The following BRINP2 variants were observed in gnomAD, a reference collection of about 807,000 sequenced individuals.
The protein encoded by BRINP2 is BMP/retinoic acid inducible neural specific 2.
BRINP2 carries 21 observed loss-of-function variants against 69.2 expected under a neutral mutation model. The ratio of observed to expected loss-of-function variants is 0.30; its 90% CI spans 0.22 to 0.44. BRINP2 has a LOEUF of 0.44. Among genes scored for constraint, BRINP2 ranks in the 20% least tolerant of loss-of-function variants. The pLI, the probability that BRINP2 is intolerant of heterozygous loss-of-function variation, is 1.00. For synonymous variants in BRINP2, 380 were observed against 394.1 expected, an observed-to-expected ratio of 0.96 and a Z score of 0.42; for missense variants, 877 against 986.0, an observed-to-expected ratio of 0.89 and a Z score of 1.48.
At chr1:177,264,403 C>T (rs909998011) in intron 4 of BRINP2, among the ~76,000 whole-genome samples, 1 of 152,166 alleles carries the variant, frequency 6.6e-6, no homozygotes, top group Non-Finnish European at 1.5e-5. Context: ...CGGCACAAGA[C>T]AAGGATGCCC....
chr1:177,172,057 T>C (rs1262433217), intron 1 of BRINP2, among the ~76,000 whole-genome samples: 2 of 152,200 alleles, frequency 1.3e-5, no homozygotes, highest in Non-Finnish European at 2.9e-5. Flanking sequence ...TTCAGAAAAT[T>C]CAATAGGGCT....
At chr1:177,177,104 A>G (rs1648111393) in intron 1 of BRINP2, among the ~76,000 whole-genome samples, 1 of 152,076 alleles carries the variant, frequency 6.6e-6, no homozygotes, top group Admixed American at 6.5e-5. Flanking sequence ...AGGCATGGCC[A>G]TGTATTAAAG....
At chr1:177,205,051 ATT>A in intron 1 of BRINP2, among the ~76,000 whole-genome samples, 1 of 152,308 alleles carries the variant, frequency 6.6e-6, no homozygotes, top group East Asian at 1.9e-4. Context: ...ATTTTCCACT[ATT>A]GTAAATATCA....
intron 2 of BRINP2, among the ~76,000 whole-genome samples, chr1:177,254,953 A>G (rs1451308079): frequency 1.3e-5 from 2 of 152,226 alleles, no homozygotes; most frequent in Non-Finnish European, 2.9e-5. Context: ...GATATTTTCC[A>G]GATGACCAAC....
At chr1:177,195,424 C>T (rs1648713595) in intron 1 of BRINP2, among the ~76,000 whole-genome samples, 1 of 151,258 alleles carries the variant, frequency 6.6e-6, no homozygotes, top group East Asian at 1.9e-4. Context: ...TCAGGAGCAG[C>T]CCAAGGCAGA....
intron 1 of BRINP2, among the ~76,000 whole-genome samples, chr1:177,180,573 A>C (rs1457208498): frequency 6.6e-6 from 1 of 152,208 alleles, no homozygotes; most frequent in East Asian, 1.9e-4. Flanking sequence ...TCTCTCAAAA[A>C]AGCAGTGGAA....
intron 2 of BRINP2, among the ~76,000 whole-genome samples, chr1:177,249,223 T>C (rs182863783): frequency 1.8e-4 from 27 of 152,356 alleles, no homozygotes; most frequent in Admixed American, 5.2e-4. Flanking sequence ...TGGTTTTTAT[T>C]AATGATTTTA....
At chr1:177,264,505 A>G (rs1329970697) in intron 4 of BRINP2, among the ~76,000 whole-genome samples, 1 of 152,228 alleles carries the variant, frequency 6.6e-6, no homozygotes, top group Non-Finnish European at 1.5e-5. Flanking sequence ...ATAGGAAGAG[A>G]GGAAGCCAAA....
intron 2 of BRINP2, among the ~76,000 whole-genome samples, chr1:177,254,376 ATG>A (rs1491262450): frequency 8.1e-5 from 11 of 136,298 alleles, no homozygotes; most frequent in African/African-American, 2.6e-4. Context: ...ATAAGCACAC[ATG>A]CACACACACA....
At chr1:177,174,232 A>C (rs1223310656) in intron 1 of BRINP2, among the ~76,000 whole-genome samples, 1 of 152,196 alleles carries the variant, frequency 6.6e-6, no homozygotes, top group African/African-American at 2.4e-5. Flanking sequence ...ACTGCTCCTG[A>C]ACCAACCCCA....
At chr1:177,203,258 C>T (rs1348534641) in intron 1 of BRINP2, among the ~76,000 whole-genome samples, 1 of 152,036 alleles carries the variant, frequency 6.6e-6, no homozygotes, top group Non-Finnish European at 1.5e-5. Flanking sequence ...TGGTCTCACT[C>T]ATAGGTGGGA....
intron 1 of BRINP2, among the ~76,000 whole-genome samples, chr1:177,225,518 G>T (rs1649667870): frequency 6.6e-6 from 1 of 152,208 alleles, no homozygotes; most frequent in Admixed American, 6.5e-5. Flanking sequence ...AAAAACTGAA[G>T]CACGATGGGG....
chr1:177,270,253 A>T (rs1651270403), intron 4 of BRINP2, among the ~76,000 whole-genome samples: 1 of 152,174 alleles, frequency 6.6e-6, no homozygotes, highest in East Asian at 1.9e-4. Flanking sequence ...TCTGGAAACT[A>T]GTGAAACTTG....
At position 177,182,959 on chromosome 1, in the gene BRINP2, C is replaced by CT. The variant is rs1055234536; in HGVS notation, c.-77+11236dup. 5.4e-4 allele frequency among the ~76,000 whole-genome samples: 82 copies of CT among 150,472 alleles called. 1 individual carries two copies. Among genetic ancestry groups the CT allele is most frequent in the African/African-American group, 1.6e-3 (66 of 41,032 alleles). ...TTTTGTTGTTGTTGTTGTTGTTTTTCTTTTTTTTTCTTTTCTTTTTTTTCT... is the reference window on the plus strand; with the variant it reads ...TTTTGTTGTTGTTGTTGTTGTTTTTCTTTTTTTTTTCTTTTCTTTTTTTTCT... On this transcript the variant is annotated intron_variant, in intron 1 of 7. Coordinates refer to ENST00000361539, the MANE Select transcript of BRINP2 (RefSeq NM_021165.4).
At chr1:177,237,154 G>A (rs925074564) in intron 2 of BRINP2, among the ~76,000 whole-genome samples, 8 of 152,084 alleles carry the variant, frequency 5.3e-5, no homozygotes, top group Non-Finnish European at 5.9e-5. Flanking sequence ...ATTTATGCTC[G>A]AGCAATTGGA....
Position 177,177,730 on chromosome 1 carries a change from T to C in BRINP2, c.-77+5998T>C, listed in dbSNP as rs186776738. Among the ~76,000 whole-genome samples the C allele has an allele frequency of 4.1e-3, 629 of 152,320 alleles. 1 individual carries two copies. Among genetic ancestry groups the C allele is most frequent in the Non-Finnish European group, 7.5e-3 (507 of 68,018 alleles). On this transcript the variant is annotated intron_variant, in intron 1 of 7. Coordinates refer to ENST00000361539, the MANE Select transcript of BRINP2 (RefSeq NM_021165.4). ...CTTGTATTTTCAGTTTTATCATCTATAGAAGTAAAAAATAGTAATGCTAGA... is the reference window on the plus strand; with the variant it reads ...CTTGTATTTTCAGTTTTATCATCTACAGAAGTAAAAAATAGTAATGCTAGA...
intron 5 of BRINP2, 62 bp from the exon 6 acceptor site, chr1:177,276,136 G>A (rs1651485826): frequency 1.4e-5 from 20 of 1,474,674 alleles, no homozygotes; most frequent in Non-Finnish European, 1.8e-5. Context: ...GCAGGCTTGG[G>A]CATGGGAAAC....
intron 4 of BRINP2, among the ~76,000 whole-genome samples, chr1:177,270,084 G>GGC (rs879919041): frequency 2.9e-5 from 4 of 138,618 alleles, no homozygotes; most frequent in South Asian, 2.6e-4. Context: ...GCAAGGGGTG[G>GGC]GGGGGGTGGT....
At chr1:177,181,441 C>T (rs1408727719) in intron 1 of BRINP2, among the ~76,000 whole-genome samples, 3 of 152,220 alleles carry the variant, frequency 2.0e-5, no homozygotes, top group Admixed American at 6.5e-5. Flanking sequence ...TCCCTCACTC[C>T]GGTTCATGCC....
Sources: gnomAD v4.1 joint callset for allele counts (sites outside exome capture counted in the v4.1 genomes callset) on GRCh38, gnomAD v4.1.1 for gene constraint, MANE v1.5 for transcripts, NCBI Gene and HGNC (gene_info 2026-07-23, HGNC 2026-07-21) for gene names.